The following CAMK1D variants were observed in gnomAD, a reference collection of about 807,000 sequenced individuals.
CAMK1D encodes the protein calcium/calmodulin dependent protein kinase ID, also known as calcium/calmodulin-dependent protein kinase type 1D.
CAMK1D carries 9 observed loss-of-function variants against 47.7 expected under a neutral mutation model. The observed-to-expected ratio is 0.19, with a 90% CI of 0.11 to 0.33. CAMK1D has a LOEUF of 0.33. Ranked by LOEUF, CAMK1D falls within the 10% of genes least tolerant of loss-of-function variation. CAMK1D has a pLI of 1.00. For missense variants in CAMK1D, 291 were observed against 488.7 expected (o/e 0.60, Z 3.81); for synonymous variants, 184 against 184.9 (o/e 0.99, Z 0.04).
chr10:12,651,567 T>A (rs1413881810), intron 2 of CAMK1D, among the ~76,000 whole-genome samples: 1 of 144,056 alleles, frequency 6.9e-6, no homozygotes, highest in East Asian at 2.0e-4. Flanking sequence ...AATTTTTGTA[T>A]TTTTTTTTTC....
intron 6 of CAMK1D, among the ~76,000 whole-genome samples, chr10:12,796,908 C>G (rs975867437): frequency 1.1e-4 from 16 of 152,202 alleles, no homozygotes; most frequent in Non-Finnish European, 1.2e-4. Context: ...AAAAAAAAGA[C>G]TGGACTGTCC....
At position 12,760,980 on chromosome 10, in the gene CAMK1D, T is replaced by G; in HGVS notation, c.332T>G (p.Val111Gly). 1 of 1,614,060 alleles carries G rather than the reference T, an allele frequency of 6.2e-7. No individual in the cohort carries two copies. Among genetic ancestry groups the G allele is most frequent in the Non-Finnish European group, 8.5e-7 (1 of 1,179,986 alleles). ...VSGGELFDRI[V>G]EKGFYTEKDA... ...GGTGGAGAGCTGTTTGACCGGATAG[T>G]GGAGAAGGGGTTTTATACAGAGAAG... Residue 111 changes from valine to glycine, a missense_variant, in exon 4 of 11, where the codon GTG becomes GGG. By Grantham distance (109) the Val-to-Gly change is moderately radical. Around this residue, in one of 2 missense-constraint regions of CAMK1D, gnomAD observed 219 missense variants for 424.3 expected, o/e 0.52. Transcript: ENST00000619168.
intron 6 of CAMK1D, among the ~76,000 whole-genome samples, chr10:12,798,677 G>A (rs1838296000): frequency 6.6e-6 from 1 of 152,194 alleles, no homozygotes; most frequent in Non-Finnish European, 1.5e-5. Context: ...AAGATAAAAT[G>A]TGCTGTTTGT....
chr10:12,454,039 C>G (rs1415009567), intron 1 of CAMK1D, among the ~76,000 whole-genome samples: 1 of 152,206 alleles, frequency 6.6e-6, no homozygotes, highest in Non-Finnish European at 1.5e-5. Context: ...TTGGGTCTTG[C>G]TGTGCAGGTG....
intron 1 of CAMK1D, among the ~76,000 whole-genome samples, chr10:12,497,473 C>T (rs1029678361): frequency 1.6e-4 from 15 of 92,628 alleles, no homozygotes; most frequent in South Asian, 7.6e-4. Context: ...AAGACTCCAT[C>T]TCAAAAAAAA....
At chr10:12,802,686 A>T (rs1431644371) in intron 6 of CAMK1D, among the ~76,000 whole-genome samples, 2 of 152,000 alleles carry the variant, frequency 1.3e-5, no homozygotes, top group South Asian at 2.1e-4. Flanking sequence ...ACGCCTGGCC[A>T]ATTTTTTGTA....
intron 4 of CAMK1D, 115 bp downstream of exon 4, chr10:12,761,201 C>A: frequency 8.0e-7 from 1 of 1,242,348 alleles, no homozygotes. Context: ...GTGGGTGCAG[C>A]AGATGGTGGG....
intron 2 of CAMK1D, among the ~76,000 whole-genome samples, chr10:12,656,825 A>C (rs1219590348): frequency 6.6e-6 from 1 of 152,208 alleles, no homozygotes; most frequent in African/African-American, 2.4e-5. Context: ...CTATACAGTA[A>C]TATGTTACAT....
chr10:12,410,788 G>A (rs116131807), intron 1 of CAMK1D, among the ~76,000 whole-genome samples: 86 of 152,192 alleles, frequency 5.7e-4, no homozygotes, highest in African/African-American at 1.8e-3. Context: ...TCTTAGGTGC[G>A]ACCTGAGCTT....
Position 12,799,116 on chromosome 10 carries a change from C to T in CAMK1D, c.641+7883C>T, listed in dbSNP as rs192357244. Among the ~76,000 whole-genome samples, 109 of 152,228 alleles carry T rather than the reference C, an allele frequency of 7.2e-4. 1 individual carries two copies. The highest frequency in any genetic ancestry group is 2.5e-3 in the African/African-American group (102 of 41,534). ...CAAGTCAGGGAAACCCTGGAGGACA[C>T]GGGTGGGAGGATCCTTGGAAGAGTT... On this transcript the variant is annotated intron_variant, in intron 6 of 10. Coordinates refer to ENST00000619168, the MANE Select transcript of CAMK1D (RefSeq NM_153498.4).
intron 1 of CAMK1D, among the ~76,000 whole-genome samples, chr10:12,541,167 GC>G (rs1225497978): frequency 2.0e-5 from 3 of 152,090 alleles, no homozygotes; most frequent in Non-Finnish European, 4.4e-5. Flanking sequence ...ATTGGGCCTG[GC>G]TTTTCTTCGG....
intron 1 of CAMK1D, among the ~76,000 whole-genome samples, chr10:12,358,282 A>T (rs1190952733): frequency 6.6e-6 from 1 of 152,180 alleles, no homozygotes; most frequent in African/African-American, 2.4e-5. Context: ...TCATGCCTGT[A>T]ATCATAGCAC....
rs535431937 is a variant in CAMK1D at position 12,517,737 on chromosome 10, A to T, written c.93-35488A>T. Among the ~76,000 whole-genome samples, 6 of 151,612 alleles carry T rather than the reference A, an allele frequency of 4.0e-5. No homozygotes were observed. In the South Asian group the frequency reaches 1.2e-3, roughly 31 times the overall value. Reference sequence around the variant, plus strand: ...AATGCATATCACGTAGTTGTGGTGTATTTTTTTTTATTATATATTGCTGGA... The same window carrying T: ...AATGCATATCACGTAGTTGTGGTGTTTTTTTTTTTATTATATATTGCTGGA... On this transcript the variant is annotated intron_variant, in intron 1 of 10. Coordinates refer to ENST00000619168, the MANE Select transcript of CAMK1D (RefSeq NM_153498.4).
chr10:12,629,111 C>A (rs969027536), intron 2 of CAMK1D, among the ~76,000 whole-genome samples: 4 of 152,146 alleles, frequency 2.6e-5, no homozygotes, highest in African/African-American at 9.7e-5. Flanking sequence ...CAGCTGCCAG[C>A]ATTCTGGGAG....
At chr10:12,404,211 A>G (rs1222857961) in intron 1 of CAMK1D, among the ~76,000 whole-genome samples, 2 of 151,890 alleles carry the variant, frequency 1.3e-5, no homozygotes, top group African/African-American at 2.4e-5. Flanking sequence ...GCGCCCAGCT[A>G]ATTTTGTATT....
At chr10:12,804,880 G>T (rs1217973493) in intron 6 of CAMK1D, among the ~76,000 whole-genome samples, 1 of 132,570 alleles carries the variant, frequency 7.5e-6, no homozygotes, top group Non-Finnish European at 1.5e-5. Context: ...CAAGGCTGCA[G>T]TGAGCTATGA....
chr10:12,649,422 T>G (rs904531988), intron 2 of CAMK1D, among the ~76,000 whole-genome samples: 1 of 152,232 alleles, frequency 6.6e-6, no homozygotes, highest in Non-Finnish European at 1.5e-5. Flanking sequence ...GGGTTAAGGC[T>G]GGTCCCCTCT....
At chr10:12,808,401 C>T (rs1455217516) in intron 6 of CAMK1D, among the ~76,000 whole-genome samples, 2 of 152,158 alleles carry the variant, frequency 1.3e-5, no homozygotes, top group African/African-American at 2.4e-5. Context: ...AAATACTTGA[C>T]GTGTGAGTGC....
chr10:12,387,445 T>TTATATA (rs373637712), intron 1 of CAMK1D, among the ~76,000 whole-genome samples: 118 of 66,598 alleles, frequency 1.8e-3, no homozygotes, highest in Non-Finnish European at 2.8e-3. Context: ...TATATATATT[T>TTATATA]TATATATATA....
Sources: allele counts gnomAD v4.1 joint callset (sites outside exome capture counted in the v4.1 genomes callset), GRCh38; gene constraint gnomAD v4.1.1; regional missense constraint gnomAD v4.1.1; transcripts MANE v1.5; gene names NCBI Gene and HGNC (gene_info 2026-07-23, HGNC 2026-07-21).